ANKS1B: variants seen among roughly 807,000 people sequenced by gnomAD.
ANKS1B encodes ankyrin repeat and sterile alpha motif domain-containing protein 1B.
Under a neutral mutation model 148.3 loss-of-function variants are expected in ANKS1B, and 36 were observed. The ratio of observed to expected loss-of-function variants is 0.24; its 90% confidence interval spans 0.19 to 0.32. The LOEUF (loss-of-function observed/expected upper bound fraction) is 0.32. Ranked by LOEUF, ANKS1B falls within the 10% of genes least tolerant of loss-of-function variation. ANKS1B has a pLI of 1.00. For synonymous variants in ANKS1B, 542 were observed against 560.8 expected, an observed-to-expected ratio of 0.97 and a Z score of 0.47; for missense variants, 1,157 against 1,542.6, an observed-to-expected ratio of 0.75 and a Z score of 4.19.
chr12:99,366,634 G>A (rs183117275), intron 12 of ANKS1B, among the ~76,000 whole-genome samples: 71 of 152,172 alleles, frequency 4.7e-4, no homozygotes, highest in African/African-American at 1.6e-3. Flanking sequence ...TATTGGTTCA[G>A]CTTGATAGAC....
chr12:99,913,873 A>G (rs2094088071), intron 1 of ANKS1B, among the ~76,000 whole-genome samples: 1 of 152,188 alleles, frequency 6.6e-6, no homozygotes, highest in Non-Finnish European at 1.5e-5. Flanking sequence ...ATTAACCACC[A>G]ATACAAACAA....
At chr12:99,783,190 CAA>C (rs766608067) in intron 4 of ANKS1B, among the ~76,000 whole-genome samples, 27 of 62,382 alleles carry the variant, frequency 4.3e-4, no homozygotes, top group Admixed American at 5.6e-4. Flanking sequence ...GAATCCATCG[CAA>C]AAAAAAAAAA....
At chr12:99,523,188 G>A (rs2096892134) in intron 9 of ANKS1B, among the ~76,000 whole-genome samples, 1 of 152,172 alleles carries the variant, frequency 6.6e-6, no homozygotes. Context: ...GATGCACTTG[G>A]CTTGGTGCTG....
chr12:98,894,103 C>G (rs1434111862), intron 17 of ANKS1B, among the ~76,000 whole-genome samples: 2 of 152,150 alleles, frequency 1.3e-5, no homozygotes, highest in Non-Finnish European at 2.9e-5. Context: ...GCCCACGTCC[C>G]CCTCTAATTA....
intron 19 of ANKS1B, among the ~76,000 whole-genome samples, chr12:98,814,402 C>G (rs983649394): frequency 1.3e-5 from 2 of 152,182 alleles, no homozygotes; most frequent in African/African-American, 2.4e-5. Flanking sequence ...AAACATTAGT[C>G]ACTACCGTTA....
intron 11 of ANKS1B, among the ~76,000 whole-genome samples, chr12:99,408,896 T>C (rs1218384954): frequency 1.7e-5 from 2 of 117,828 alleles, no homozygotes; most frequent in Non-Finnish European, 3.8e-5. Flanking sequence ...TGTAAACTGC[T>C]GGTGGGAATG....
chr12:99,976,226 G>A (rs1006837202), intron 1 of ANKS1B, among the ~76,000 whole-genome samples: 1 of 152,136 alleles, frequency 6.6e-6, no homozygotes, highest in Non-Finnish European at 1.5e-5. Flanking sequence ...TTAAAAAACA[G>A]CCTATTAGGT....
In ANKS1B at chr12:99,700,341, A is replaced by G. The variant is rs74325347; in HGVS notation, c.1129-45131T>C. ...CATAGGGGTGAGTTCCAAGACCCCC[A>G]GTGAATGCCTGAAACTGAGGATAGT... On this transcript the variant is annotated intron_variant, in intron 8 of 26. Coordinates refer to ENST00000683438, the MANE Select transcript of ANKS1B (RefSeq NM_001352186.2). Among the ~76,000 whole-genome samples, 226 of 152,278 alleles carry G rather than the reference A, an allele frequency of 1.5e-3. 1 individual carries two copies. The highest frequency in any genetic ancestry group is 5.2e-3 in the African/African-American group (218 of 41,568).
intron 17 of ANKS1B, among the ~76,000 whole-genome samples, chr12:98,910,945 C>T (rs1380022458): frequency 6.6e-6 from 1 of 152,082 alleles, no homozygotes; most frequent in Non-Finnish European, 1.5e-5. Context: ...TAGAAAATGG[C>T]AAGGCAGGAT....
chr12:99,180,993 T>A (rs915768049), intron 14 of ANKS1B, among the ~76,000 whole-genome samples: 5 of 152,154 alleles, frequency 3.3e-5, no homozygotes, highest in African/African-American at 1.2e-4. Context: ...CAGGCCTAAG[T>A]TTCTCCCCAG....
intron 18 of ANKS1B, chr12:98,830,940 A>ATTCTTTTTT (rs1566958832): frequency 6.6e-5 from 3 of 45,528 alleles, no homozygotes; most frequent in Non-Finnish European, 1.2e-4. Flanking sequence ...CTACCTCATA[A>ATTCTTTTTT]TTTTTTTTTT....
At chr12:99,154,973 T>C in intron 14 of ANKS1B, 9 of 1,535,350 alleles carry the variant, frequency 5.9e-6, no homozygotes, top group Non-Finnish European at 7.8e-6. Flanking sequence ...TACACACCCA[T>C]CCAAGCGTCA....
intron 9 of ANKS1B, among the ~76,000 whole-genome samples, chr12:99,538,235 T>C (rs929353856): frequency 6.6e-6 from 1 of 152,152 alleles, no homozygotes; most frequent in African/African-American, 2.4e-5. Context: ...GCTTTGGCTA[T>C]TCTGGTTTTT....
intron 14 of ANKS1B, among the ~76,000 whole-genome samples, chr12:99,161,357 C>T (rs945959619): frequency 1.3e-5 from 2 of 152,078 alleles, no homozygotes; most frequent in African/African-American, 4.8e-5. Context: ...AGCAAGCCCT[C>T]TATCTCTACG....
chr12:99,820,343 G>A (rs1334369740), intron 2 of ANKS1B, among the ~76,000 whole-genome samples: 1 of 151,886 alleles, frequency 6.6e-6, no homozygotes, highest in East Asian at 1.9e-4. Flanking sequence ...TGGGGAAACT[G>A]GTTTAATTTT....
intron 17 of ANKS1B, among the ~76,000 whole-genome samples, chr12:98,943,380 C>T (rs1005787514): frequency 1.3e-5 from 2 of 152,184 alleles, no homozygotes; most frequent in Admixed American, 6.5e-5. Flanking sequence ...TGCTGCAAAC[C>T]TAATGGCTTA....
chr12:99,678,620 C>T (rs1226183517), intron 8 of ANKS1B, among the ~76,000 whole-genome samples: 1 of 152,118 alleles, frequency 6.6e-6, no homozygotes, highest in Non-Finnish European at 1.5e-5. Flanking sequence ...GGGCTAAGTA[C>T]AATCCATCCC....
intron 17 of ANKS1B, among the ~76,000 whole-genome samples, chr12:99,011,407 T>C (rs2099939332): frequency 1.3e-5 from 2 of 152,326 alleles, no homozygotes; most frequent in African/African-American, 4.8e-5. Context: ...AGAATAGCTA[T>C]TTTGGAATTC....
At chr12:99,483,636 T>C (rs1192136773) in intron 10 of ANKS1B, among the ~76,000 whole-genome samples, 1 of 151,974 alleles carries the variant, frequency 6.6e-6, no homozygotes, top group Non-Finnish European at 1.5e-5. Flanking sequence ...TCCTGGGCTT[T>C]TTTGTTGTTG....
Sources: allele counts gnomAD v4.1 joint callset (sites outside exome capture counted in the v4.1 genomes callset), GRCh38; gene constraint gnomAD v4.1.1; transcripts MANE v1.5; gene names NCBI Gene and HGNC (gene_info 2026-07-23, HGNC 2026-07-21).